OTOGL: variants seen among roughly 807,000 people sequenced by gnomAD.
OTOGL encodes the protein otogelin-like protein.
Under a neutral mutation model 318.5 loss-of-function variants are expected in OTOGL, and 285 were observed. That is an observed-to-expected ratio of 0.89 (90% CI 0.81 to 0.99). The LOEUF is 0.99. Ranked by LOEUF, OTOGL falls within the 50% of genes least tolerant of loss-of-function variation. The pLI, the probability that OTOGL is intolerant of heterozygous loss-of-function variation, is 0.00. For synonymous variants in OTOGL, 987 were observed against 936.5 expected, an observed-to-expected ratio of 1.05 and a Z score of -0.99; for missense variants, 2,899 against 2,845.6, an observed-to-expected ratio of 1.02 and a Z score of -0.43.
intron 18 of OTOGL, 141 bp from the exon 19 acceptor site, chr12:80,261,828 T>C (rs768838413): frequency 7.6e-6 from 8 of 1,055,832 alleles, no homozygotes; most frequent in Non-Finnish European, 8.9e-6. Context: ...CGTTGTACTT[T>C]TTTTTAAACT....
rs4842345 is a variant in OTOGL, at chr12:80,297,139, T to C, written c.3063+178T>C. Among the ~76,000 whole-genome samples the C allele has an allele frequency of 0.11, 17,229 of 152,030 alleles. 1,477 individuals carry two copies. The highest frequency in any genetic ancestry group is 0.24 in the African/African-American group (9,916 of 41,438). Reference sequence around the variant, plus strand: ...TGACTTCTCTCTTCTTACTTCTTACTTCCCTTCTCCATCTTCCAATTCGCT... The same window carrying C: ...TGACTTCTCTCTTCTTACTTCTTACCTCCCTTCTCCATCTTCCAATTCGCT... On this transcript the variant is annotated intron_variant, in intron 27 of 58. Transcript: ENST00000547103.
At chr12:80,312,417 T>C (rs549271464) in intron 30 of OTOGL, among the ~76,000 whole-genome samples, 1 of 152,352 alleles carries the variant, frequency 6.6e-6, no homozygotes, top group South Asian at 2.1e-4. Flanking sequence ...ATGTTATTCA[T>C]GTAAACATAT....
At chr12:80,150,855 C>A (rs997971225) in intron 1 of OTOGL, among the ~76,000 whole-genome samples, 4 of 152,060 alleles carry the variant, frequency 2.6e-5, no homozygotes, top group African/African-American at 9.7e-5. Flanking sequence ...GAAATAGATG[C>A]TTTTTATTTA....
At chr12:80,139,964 C>A (rs569597237) in intron 1 of OTOGL, among the ~76,000 whole-genome samples, 2 of 152,240 alleles carry the variant, frequency 1.3e-5, no homozygotes, top group South Asian at 2.1e-4. Flanking sequence ...TTTTCCTTTC[C>A]AGTTTCCTAT....
intron 33 of OTOGL, among the ~76,000 whole-genome samples, chr12:80,319,903 G>A (rs1887211940): frequency 6.6e-6 from 1 of 152,054 alleles, no homozygotes; most frequent in African/African-American, 2.4e-5. Flanking sequence ...TCTCTTCTTG[G>A]TGCAGTAAGA....
intron 1 of OTOGL, among the ~76,000 whole-genome samples, chr12:80,122,841 T>C (rs1004840600): frequency 6.6e-6 from 1 of 152,168 alleles, no homozygotes; most frequent in Admixed American, 6.6e-5. Flanking sequence ...CAGAAATCTA[T>C]GCAGTTGCTC....
chr12:80,339,275 C>G lies in OTOGL; in HGVS notation c.5050+11C>G, dbSNP rs776629352. 7.3e-7 allele frequency: 1 copy of G among 1,363,254 alleles called. No homozygotes were observed. The highest frequency in any genetic ancestry group is 1.0e-6 in the Non-Finnish European group (1 of 997,288). 84.4% of individuals were successfully genotyped at this position (1,363,254 alleles called of 1,614,324 possible). A position where few individuals can be genotyped will look rare whatever the true frequency, so the allele number is the denominator to read the frequency against. On this transcript the variant is annotated intron_variant, in intron 43 of 58. Coordinates refer to ENST00000547103, the MANE Select transcript of OTOGL (RefSeq NM_001378609.3). ...CAGAAGGACTCTGTGGTGAGCGCTG[C>G]CCTTCAAATCTTGATTTCGTCTGTT...
chr12:80,105,145 G>A (rs1218505890), intron 1 of OTOGL, among the ~76,000 whole-genome samples: 1 of 151,862 alleles, frequency 6.6e-6, no homozygotes, highest in African/African-American at 2.4e-5. Context: ...AAGAAAGTAT[G>A]CTGAGAAAAA....
intron 1 of OTOGL, among the ~76,000 whole-genome samples, chr12:80,178,164 G>T (rs1874667544): frequency 6.9e-6 from 1 of 144,106 alleles, no homozygotes; most frequent in African/African-American, 2.6e-5. Context: ...GGGTTCAAGT[G>T]ATTCTCCTGC....
At chr12:80,352,781 A>G (rs1461923668) in intron 45 of OTOGL, among the ~76,000 whole-genome samples, 1 of 152,214 alleles carries the variant, frequency 6.6e-6, no homozygotes, top group African/African-American at 2.4e-5. Context: ...TAACCCCACC[A>G]TCTGAGCATT....
At chr12:80,135,156 C>T (rs190603769) in intron 1 of OTOGL, among the ~76,000 whole-genome samples, 4 of 151,578 alleles carry the variant, frequency 2.6e-5, no homozygotes, top group Admixed American at 2.0e-4. Context: ...CCCCTCTGTC[C>T]CTGCTTTCAT....
chr12:80,319,057 C>T (rs1021240818), intron 33 of OTOGL, among the ~76,000 whole-genome samples: 5 of 151,986 alleles, frequency 3.3e-5, no homozygotes, highest in Non-Finnish European at 5.9e-5. Context: ...GGTTTTATGC[C>T]CCCAAAAGTA....
At chr12:80,369,015 G>GAAA (rs914891353) in intron 55 of OTOGL, among the ~76,000 whole-genome samples, 50 of 149,314 alleles carry the variant, frequency 3.3e-4, no homozygotes, top group African/African-American at 1.1e-3. Flanking sequence ...TGTCAAGGAG[G>GAAA]AAAAAAATAT....
At chr12:80,282,465 A>G (rs368425504) in intron 26 of OTOGL, among the ~76,000 whole-genome samples, 23 of 151,954 alleles carry the variant, frequency 1.5e-4, no homozygotes, top group African/African-American at 5.3e-4. Flanking sequence ...AGTTTCTTAA[A>G]GAATAAATAC....
intron 1 of OTOGL, among the ~76,000 whole-genome samples, chr12:80,126,506 T>A (rs547649672): frequency 6.6e-6 from 1 of 152,318 alleles, no homozygotes; most frequent in African/African-American, 2.4e-5. Flanking sequence ...CTGAAAAGAA[T>A]GTATATTCTG....
intron 1 of OTOGL, among the ~76,000 whole-genome samples, chr12:80,144,344 T>C (rs1455313671): frequency 1.3e-5 from 2 of 151,642 alleles, no homozygotes; most frequent in South Asian, 2.1e-4. Flanking sequence ...CTGAGAATGA[T>C]GATTTCCAAT....
chr12:80,251,875 A>G, intron 12 of OTOGL, 76 bp downstream of exon 12: 1 of 1,261,114 alleles, frequency 7.9e-7, no homozygotes, highest in Non-Finnish European at 1.1e-6. Flanking sequence ...AACTTACTGT[A>G]CTACTCAATA....
At chr12:80,213,540 A>G (rs993443703) in intron 4 of OTOGL, among the ~76,000 whole-genome samples, 2 of 152,190 alleles carry the variant, frequency 1.3e-5, no homozygotes, top group African/African-American at 2.4e-5. Context: ...CTCTGGTTGG[A>G]GCACCTCTGA....
chr12:80,235,467 CAAAAAAAAA>C (rs10600987), intron 9 of OTOGL, among the ~76,000 whole-genome samples: 1 of 86,964 alleles, frequency 1.1e-5, no homozygotes, highest in Non-Finnish European at 2.3e-5. Flanking sequence ...GACTCTGTCT[CAAAAAAAAA>C]AAAAAAAAAA....
Sources: gnomAD v4.1 joint callset for allele counts (sites outside exome capture counted in the v4.1 genomes callset) on GRCh38, gnomAD v4.1.1 for gene constraint, MANE v1.5 for transcripts, NCBI Gene and HGNC (gene_info 2026-07-23, HGNC 2026-07-21) for gene names.